The following CPB1 variants were observed in gnomAD, a reference collection of about 807,000 sequenced individuals.
CPB1 encodes the protein carboxypeptidase B.
In CPB1, 53 loss-of-function variants were observed where a neutral mutation model predicts 51.4. That is an observed-to-expected ratio of 1.03 (90% CI 0.83 to 1.30). CPB1 has a LOEUF of 1.30. CPB1 is among the 50% of genes most tolerant of loss of function. The pLI is 0.00. For missense variants in CPB1, 494 were observed against 516.2 expected (o/e 0.96, Z 0.42); for synonymous variants, 189 against 186.9 (o/e 1.01, Z -0.09).
intron 9 of CPB1, among the ~76,000 whole-genome samples, chr3:148,850,554 A>T (rs1713397912): frequency 6.6e-6 from 1 of 152,134 alleles, no homozygotes; most frequent in South Asian, 2.1e-4. Context: ...CGCCTGCCTC[A>T]GCCTCCCGAA....
intron 10 of CPB1, among the ~76,000 whole-genome samples, chr3:148,858,611 C>T (rs370393831): frequency 9.2e-5 from 14 of 151,778 alleles, no homozygotes; most frequent in South Asian, 4.2e-4. Context: ...GCTAAACAGA[C>T]GACAAACAAG....
intron 3 of CPB1, among the ~76,000 whole-genome samples, chr3:148,839,412 C>G (rs1032896903): frequency 1.3e-5 from 2 of 152,148 alleles, no homozygotes; most frequent in African/African-American, 4.8e-5. Flanking sequence ...AAGTCTGTGG[C>G]AACTGACAAG....
At position 148,857,461 on chromosome 3, in the gene CPB1, C is replaced by A. The variant is rs1245192410; in HGVS notation, c.986C>A (p.Ala329Asp). The A allele has an allele frequency of 1.9e-6, 3 of 1,613,068 alleles. No homozygotes were observed. In the African/African-American group the frequency reaches 4.0e-5, roughly 22 times the overall value. The change falls in exon 10 of 11, where the codon GCC (alanine) becomes GAC (aspartate). Residue 329 changes from alanine (A) to aspartate (D), a missense_variant. Coordinates refer to ENST00000282957, the MANE Select transcript of CPB1 (RefSeq NM_001871.3). Reference sequence around the variant, plus strand: ...TTATTCCTGTTTCTTTTGCAGAATGCCCTGGCTAAAGCTACTGTGAAAGAA... The same window carrying A: ...TTATTCCTGTTTCTTTTGCAGAATGACCTGGCTAAAGCTACTGTGAAAGAA... ...KLGENNAELN[A>D]LAKATVKELA...
At chr3:148,829,796 A>G (rs565418541) in intron 2 of CPB1, among the ~76,000 whole-genome samples, 1 of 152,306 alleles carries the variant, frequency 6.6e-6, no homozygotes, top group East Asian at 1.9e-4. Context: ...GTACATATTT[A>G]TCATGAATCT....
At chr3:148,842,912 T>C (rs1385569203) in intron 6 of CPB1, among the ~76,000 whole-genome samples, 1 of 152,206 alleles carries the variant, frequency 6.6e-6, no homozygotes, top group Non-Finnish European at 1.5e-5. Context: ...ATATTCTTCC[T>C]TAAAATAAAT....
intron 9 of CPB1, 97 bp downstream of exon 9, chr3:148,845,723 C>G (rs747017646): frequency 7.4e-6 from 7 of 944,428 alleles, no homozygotes; most frequent in Non-Finnish European, 9.4e-6. Flanking sequence ...TTCTGGAAGT[C>G]CCTTTATTGA....
At chr3:148,851,401 GAGAA>G (rs58608669) in intron 9 of CPB1, 38,958 of 146,468 alleles carry the variant, frequency 0.27, 5,166 homozygotes, top group South Asian at 0.31. Flanking sequence ...GAAAGAAAAA[GAGAA>G]AGAAAGAAAT....
rs71617489 is a variant in CPB1 at position 148,842,222 on chromosome 3, T to TAA, written c.576+308_576+309dup. Among the ~76,000 whole-genome samples, 35 of 149,540 alleles carry TAA rather than the reference T, an allele frequency of 2.3e-4. No individual in the cohort carries two copies. In the East Asian group the frequency reaches 2.4e-3, roughly 10 times the overall value. ...GCAACACGGTGGAACCTCATCTCTT[T>TAA]AAAAAAAAAAATTGTATTTATTTGA... On this transcript the variant is annotated intron_variant, in intron 6 of 10. Transcript: ENST00000282957.
intron 3 of CPB1, 72 bp from the exon 4 acceptor site, chr3:148,840,613 TG>T: frequency 7.8e-7 from 1 of 1,279,196 alleles, no homozygotes; most frequent in Non-Finnish European, 1.1e-6. Flanking sequence ...GCAGTGGCTC[TG>T]GGGTTTTATG....
intron 9 of CPB1, among the ~76,000 whole-genome samples, chr3:148,852,834 C>G (rs1000875100): frequency 1.3e-5 from 2 of 152,202 alleles, no homozygotes; most frequent in Admixed American, 6.5e-5. Context: ...CCCGTGGGCT[C>G]TGTGGAAATC....
At chr3:148,838,379 T>C (rs1006114966) in intron 3 of CPB1, 1 of 152,070 alleles carries the variant, frequency 6.6e-6, no homozygotes, top group Non-Finnish European at 1.5e-5. Context: ...TCTTGGGTTT[T>C]TTTTTTTCGT....
intron 2 of CPB1, among the ~76,000 whole-genome samples, chr3:148,830,695 G>GA (rs1467376329): frequency 6.6e-6 from 1 of 151,978 alleles, no homozygotes; most frequent in East Asian, 1.9e-4. Flanking sequence ...ATCATAACAT[G>GA]AAAAAATCTT....
chr3:148,849,506 C>A (rs1467510611), intron 9 of CPB1, among the ~76,000 whole-genome samples: 2 of 152,188 alleles, frequency 1.3e-5, no homozygotes, highest in Non-Finnish European at 2.9e-5. Context: ...TATGGCTGCA[C>A]TTATTGGGCA....
chr3:148,857,807 G>C (rs544771814), intron 10 of CPB1, among the ~76,000 whole-genome samples: 2 of 152,136 alleles, frequency 1.3e-5, no homozygotes, highest in Admixed American at 1.3e-4. Context: ...GCTGAAGCGG[G>C]AGAGTCACTT....
chr3:148,849,510 T>C (rs972633854), intron 9 of CPB1, among the ~76,000 whole-genome samples: 3 of 152,196 alleles, frequency 2.0e-5, no homozygotes, highest in Non-Finnish European at 4.4e-5. Flanking sequence ...GCTGCACTTA[T>C]TGGGCAGGAA....
At chr3:148,844,155 T>G (rs865934700) in intron 6 of CPB1, among the ~76,000 whole-genome samples, 61 of 152,174 alleles carry the variant, frequency 4.0e-4, no homozygotes, top group South Asian at 8.3e-4. Flanking sequence ...AAAGCTATTG[T>G]AGTTGTTATC....
intron 9 of CPB1, among the ~76,000 whole-genome samples, chr3:148,852,766 T>C (rs907508011): frequency 3.3e-5 from 5 of 152,232 alleles, no homozygotes; most frequent in African/African-American, 1.2e-4. Context: ...TAAAAATATG[T>C]ATGCAGATCA....
rs543819539 is a variant in CPB1 at position 148,838,997 on chromosome 3, A to G, written c.273-1689A>G. ...GATGGTCCCCAAAAAACTCTACAGA[A>G]CATGTGAATATGTCATGTTTATCAC... On this transcript the variant is annotated intron_variant, in intron 3 of 10. Transcript: ENST00000282957. Among the ~76,000 whole-genome samples, 150 of 79,476 alleles carry G rather than the reference A, an allele frequency of 1.9e-3. No homozygotes were observed. The East Asian group carries it at 0.06, about 32-fold the overall frequency. 52.1% of individuals were successfully genotyped at this position (79,476 alleles called of 152,430 possible).
At chr3:148,844,891 A>C in intron 8 of CPB1, 124 bp downstream of exon 8, 1 of 841,588 alleles carries the variant, frequency 1.2e-6, no homozygotes, top group Non-Finnish European at 1.8e-6. Context: ...AACCTTCTAA[A>C]AGCACCAAAA....
Sources: gnomAD v4.1 joint callset for allele counts (sites outside exome capture counted in the v4.1 genomes callset) on GRCh38, gnomAD v4.1.1 for gene constraint, MANE v1.5 for transcripts, NCBI Gene and HGNC (gene_info 2026-07-23, HGNC 2026-07-21) for gene names.